The following LAMC1 variants were observed in gnomAD, a reference collection of about 807,000 sequenced individuals.
LAMC1 encodes laminin subunit gamma 1.
LAMC1 carries 38 observed loss-of-function variants against 173.6 expected under a neutral mutation model. The observed-to-expected ratio is 0.22, with a 90% confidence interval of 0.17 to 0.29. The LOEUF is 0.29. Ranked by LOEUF, LAMC1 falls within the 10% of genes least tolerant of loss-of-function variation. LAMC1 has a pLI of 1.00. For synonymous variants in LAMC1, 746 were observed against 749.1 expected (o/e 1.00, Z 0.07); for missense variants, 1,824 against 2,051.8 (o/e 0.89, Z 2.14).
At chr1:183,025,574 C>T (rs1001584887) in intron 1 of LAMC1, among the ~76,000 whole-genome samples, 1 of 152,142 alleles carries the variant, frequency 6.6e-6, no homozygotes, top group Non-Finnish European at 1.5e-5. Context: ...CGAGGATTTC[C>T]TAAGATCTGT....
intron 1 of LAMC1, among the ~76,000 whole-genome samples, chr1:183,033,752 C>T (rs1184880130): frequency 3.3e-5 from 5 of 152,110 alleles, no homozygotes; most frequent in Admixed American, 6.5e-5. Flanking sequence ...AGTGCAGTGG[C>T]GTGATCTTGG....
chr1:183,060,921 A>G (rs1350094518), intron 1 of LAMC1, among the ~76,000 whole-genome samples: 2 of 152,240 alleles, frequency 1.3e-5, no homozygotes, highest in South Asian at 2.1e-4. Flanking sequence ...TGATCACTTC[A>G]TGAAAGGCTT....
rs556568683 is a variant in LAMC1 at position 183,075,715 on chromosome 1, C to T, written c.419-27613C>T. Among the ~76,000 whole-genome samples the T allele has an allele frequency of 6.6e-5, 10 of 152,270 alleles. No homozygotes were observed. In the East Asian group the frequency reaches 1.9e-3, roughly 29 times the overall value. On this transcript the variant is annotated intron_variant, in intron 1 of 27. Transcript: ENST00000258341. ...TTTGGATACTGATGATCCAGACTCC[C>T]CACTCCTTCTCTCAGAAACAGGGAA...
At chr1:183,118,705 A>G (rs976641087) in intron 11 of LAMC1, among the ~76,000 whole-genome samples, 1 of 151,576 alleles carries the variant, frequency 6.6e-6, no homozygotes, top group Admixed American at 6.6e-5. Flanking sequence ...CCTGGGCGAC[A>G]GAATGAGAAT....
chr1:183,117,111 C>A, intron 8 of LAMC1: 1 of 679,686 alleles, frequency 1.5e-6, no homozygotes, highest in Non-Finnish European at 2.4e-6. Context: ...ATGGTGATTA[C>A]AAATGTTATA....
At chr1:183,025,104 T>G (rs1653650021) in intron 1 of LAMC1, among the ~76,000 whole-genome samples, 1 of 152,034 alleles carries the variant, frequency 6.6e-6, no homozygotes, top group African/African-American at 2.4e-5. Context: ...CCCATTGCCT[T>G]GGAAGGCTTG....
intron 1 of LAMC1, among the ~76,000 whole-genome samples, chr1:183,069,889 G>C (rs1387138078): frequency 6.6e-6 from 1 of 152,168 alleles, no homozygotes; most frequent in African/African-American, 2.4e-5. Flanking sequence ...AAGTAGGAGT[G>C]GGTGTTGAAA....
At chr1:183,102,592 GA>G (rs1465339360) in intron 1 of LAMC1, among the ~76,000 whole-genome samples, 1 of 152,220 alleles carries the variant, frequency 6.6e-6, no homozygotes, top group East Asian at 1.9e-4. Flanking sequence ...CTTTTGCAGG[GA>G]ACTGTCTGCC....
intron 7 of LAMC1, 26 bp downstream of exon 7, chr1:183,116,701 T>C: frequency 6.2e-7 from 1 of 1,607,718 alleles, no homozygotes. Context: ...TCTAGCTGCA[T>C]TGTGTTTTCT....
chr1:183,114,337 C>T (rs541477680), intron 4 of LAMC1, among the ~76,000 whole-genome samples, 194 bp from the exon 5 acceptor site: 7 of 152,318 alleles, frequency 4.6e-5, no homozygotes, highest in Admixed American at 3.9e-4. Context: ...TTCCAAAGTG[C>T]TGGGATTATA....
chr1:183,088,789 C>T (rs1272711741), intron 1 of LAMC1, among the ~76,000 whole-genome samples: 2 of 152,100 alleles, frequency 1.3e-5, no homozygotes, highest in Admixed American at 6.6e-5. Flanking sequence ...ATGGATAGGG[C>T]TTGGAAGGGG....
chr1:183,023,889 C>T lies in LAMC1; in HGVS notation c.173C>T (p.Ala58Val). The T allele has an allele frequency of 6.2e-7, 1 of 1,612,828 alleles. No homozygotes were observed. The highest frequency in any genetic ancestry group is 8.5e-7 in the Non-Finnish European group (1 of 1,179,756). Reference protein sequence around the residue: ...QRCMPEFVNAAFNVTVVATNT... With the variant: ...QRCMPEFVNAVFNVTVVATNT... ...TGCATGCCCGAGTTCGTCAACGCCGCCTTCAACGTGACTGTGGTGGCCACC... is the reference window on the plus strand; with the variant it reads ...TGCATGCCCGAGTTCGTCAACGCCGTCTTCAACGTGACTGTGGTGGCCACC... Residue 58 changes from alanine to valine, a missense_variant, in exon 1 of 28, where the codon GCC becomes GTC. Coordinates refer to ENST00000258341, the MANE Select transcript of LAMC1 (RefSeq NM_002293.4).
In LAMC1 at chr1:183,142,772, G is replaced by T. The variant is rs184867626; in HGVS notation, c.4812G>T (p.Pro1604=). 48 of 1,612,304 alleles carry T rather than the reference G, an allele frequency of 3.0e-5. No homozygotes were observed. The East Asian group carries it at 3.8e-4, about 13-fold the overall frequency. The change falls in exon 28 of 28, where the codon CCG becomes CCT. Residue 1604 remains proline (P), a synonymous_variant. Transcript: ENST00000258341. ...TACCATCTGGCTGCTTCAACACCCC[G>T]TCCATTGAAAAGCCCTAGTGTCTTT... ...KTLPSGCFNT[P]SIEKP
At chr1:183,114,157 C>T (rs1365928827) in intron 4 of LAMC1, among the ~76,000 whole-genome samples, 1 of 152,196 alleles carries the variant, frequency 6.6e-6, no homozygotes, top group East Asian at 1.9e-4. Context: ...GCAACCTCCG[C>T]CTCTCAGGCT....
intron 1 of LAMC1, among the ~76,000 whole-genome samples, chr1:183,082,178 A>G (rs1200332363): frequency 6.6e-6 from 1 of 152,238 alleles, no homozygotes; most frequent in Non-Finnish European, 1.5e-5. Context: ...TCAATTGTGA[A>G]TAAAATTTCT....
chr1:183,108,840 A>C (rs1055222835), intron 3 of LAMC1, among the ~76,000 whole-genome samples: 5 of 152,226 alleles, frequency 3.3e-5, no homozygotes, highest in Admixed American at 1.3e-4. Context: ...TTTTTAAAAA[A>C]TAGATAAAGC....
chr1:183,034,166 G>T (rs761700094), intron 1 of LAMC1, among the ~76,000 whole-genome samples: 6 of 152,218 alleles, frequency 3.9e-5, no homozygotes, highest in African/African-American at 1.4e-4. Context: ...TATGGGATGT[G>T]TGAGTTATGA....
chr1:183,135,511 A>G lies in LAMC1; in HGVS notation c.4114+355A>G, dbSNP rs186931163. ...GATAGAAGAGAAATGTGACCAATTC[A>G]CTGAGCAACTGTGAATTCTTGTCTG... On this transcript the variant is annotated intron_variant, in intron 24 of 27. Transcript: ENST00000258341. Among the ~76,000 whole-genome samples the G allele has an allele frequency of 5.3e-5, 8 of 152,100 alleles. No homozygotes were observed. The East Asian group carries it at 1.5e-3, about 29-fold the overall frequency.
chr1:183,121,288 T>C (rs994803610), intron 11 of LAMC1, among the ~76,000 whole-genome samples: 5 of 151,292 alleles, frequency 3.3e-5, no homozygotes, highest in African/African-American at 1.2e-4. Context: ...TAGCCGGGCA[T>C]GGTGGCATGC....
Sources: gnomAD v4.1 joint callset for allele counts (sites outside exome capture counted in the v4.1 genomes callset) on GRCh38, gnomAD v4.1.1 for gene constraint, MANE v1.5 for transcripts, NCBI Gene and HGNC (gene_info 2026-07-23, HGNC 2026-07-21) for gene names.